The following AKAP19 variants were observed in gnomAD, a reference collection of about 807,000 sequenced individuals.
The protein encoded by AKAP19 is A-kinase anchoring protein 19.
At chr2:189,939,412 C>T in the AKAP19 span, among the ~76,000 whole-genome samples, 1 of 150,856 alleles carries the variant, frequency 6.6e-6, no homozygotes, top group East Asian at 1.9e-4. Context: ...TACAACCTAG[C>T]AGTGGAAAAA....
At chr2:190,069,175 T>TGTGTGTGTGTGAGA in the AKAP19 span, among the ~76,000 whole-genome samples, 135 of 123,526 alleles carry the variant, frequency 1.1e-3, no homozygotes, top group African/African-American at 4.1e-3. Flanking sequence ...TGTGTGTGTG[T>TGTGTGTGTGTGAGA]GAGAGAGAGA....
the AKAP19 span, among the ~76,000 whole-genome samples, chr2:190,023,907 A>G: frequency 3.3e-5 from 5 of 151,574 alleles, no homozygotes; most frequent in African/African-American, 1.2e-4. Flanking sequence ...TTGAATTGCA[A>G]TGACGTCTTT....
the AKAP19 span, among the ~76,000 whole-genome samples, chr2:190,038,959 TTC>T: frequency 2.1e-5 from 3 of 145,758 alleles, no homozygotes; most frequent in Admixed American, 2.1e-4. Flanking sequence ...CTTCTTCTTC[TTC>T]TTCTTCTTCT....
At chr2:190,155,971 ATT>A in the AKAP19 span, among the ~76,000 whole-genome samples, 1 of 152,166 alleles carries the variant, frequency 6.6e-6, no homozygotes. Flanking sequence ...TCTAATTTAA[ATT>A]TGCCTAGGGT....
the AKAP19 span, among the ~76,000 whole-genome samples, chr2:190,096,678 T>C: frequency 6.6e-6 from 1 of 152,242 alleles, no homozygotes; most frequent in East Asian, 1.9e-4. Context: ...ATGCTACTAT[T>C]ACAAAATATC....
At chr2:190,118,252 G>C in the AKAP19 span, among the ~76,000 whole-genome samples, 3 of 152,122 alleles carry the variant, frequency 2.0e-5, no homozygotes, top group East Asian at 1.9e-4. Flanking sequence ...AAAAGTCCAA[G>C]ACCAGACAGA....
At chr2:190,085,780 C>T in the AKAP19 span, among the ~76,000 whole-genome samples, 2 of 152,162 alleles carry the variant, frequency 1.3e-5, no homozygotes, top group African/African-American at 4.8e-5. Flanking sequence ...CTTAAATGAT[C>T]AGCTTTTGTT....
the AKAP19 span, among the ~76,000 whole-genome samples, chr2:190,133,198 A>G: frequency 2.2e-5 from 3 of 137,496 alleles, no homozygotes; most frequent in Non-Finnish European, 4.6e-5. Flanking sequence ...AGATCACGCC[A>G]CTGCACTCCA....
At chr2:190,080,318 C>A in the AKAP19 span, among the ~76,000 whole-genome samples, 5 of 152,146 alleles carry the variant, frequency 3.3e-5, no homozygotes, top group African/African-American at 1.2e-4. Context: ...CCCTGATGAC[C>A]TCATATTCCA....
At chr2:189,908,246 T>G in the AKAP19 span, among the ~76,000 whole-genome samples, 1 of 150,708 alleles carries the variant, frequency 6.6e-6, no homozygotes, top group East Asian at 1.9e-4. Flanking sequence ...TAGGCTGGAG[T>G]GCAGTGGCAT....
the AKAP19 span, among the ~76,000 whole-genome samples, chr2:189,900,520 T>C: frequency 6.6e-6 from 1 of 152,234 alleles, no homozygotes; most frequent in African/African-American, 2.4e-5. Context: ...TATGCATTTC[T>C]TTGATTACTC....
the AKAP19 span, among the ~76,000 whole-genome samples, chr2:189,929,428 A>G: frequency 1.3e-5 from 2 of 152,204 alleles, no homozygotes; most frequent in Non-Finnish European, 2.9e-5. Flanking sequence ...TCAATAAATC[A>G]GAATTCTTAA....
At chr2:190,048,850 T>C in the AKAP19 span, among the ~76,000 whole-genome samples, 2 of 152,200 alleles carry the variant, frequency 1.3e-5, no homozygotes, top group Non-Finnish European at 2.9e-5. Context: ...TAAATAATCA[T>C]GCTGAAGAAA....
the AKAP19 span, among the ~76,000 whole-genome samples, chr2:190,048,932 T>A: frequency 6.6e-6 from 1 of 152,110 alleles, no homozygotes; most frequent in African/African-American, 2.4e-5. Flanking sequence ...TAAAAGTAAA[T>A]AACTAAATCA....
At chr2:189,998,401 TG>T in the AKAP19 span, among the ~76,000 whole-genome samples, 3 of 152,084 alleles carry the variant, frequency 2.0e-5, no homozygotes, top group Non-Finnish European at 4.4e-5. Context: ...ATTTTCTTAA[TG>T]AAAAAAAAAT....
the AKAP19 span, among the ~76,000 whole-genome samples, chr2:189,951,906 A>G: frequency 6.6e-5 from 10 of 152,238 alleles, no homozygotes; most frequent in Non-Finnish European, 1.0e-4. Flanking sequence ...TCCCATGAGA[A>G]AAGTGTTCTT....
chr2:190,111,156 G>A, the AKAP19 span, among the ~76,000 whole-genome samples: 6 of 152,128 alleles, frequency 3.9e-5, no homozygotes, highest in African/African-American at 1.4e-4. Flanking sequence ...ATAGCAAGGG[G>A]ATTGCTAGCA....
chr2:189,956,177 C>CTTTTTTCT, the AKAP19 span, among the ~76,000 whole-genome samples: 616 of 122,944 alleles, frequency 5.0e-3, 21 homozygotes, highest in African/African-American at 0.018. Flanking sequence ...TCTTTTTTTT[C>CTTTTTTCT]TTTTTTTTTT....
chr2:190,030,865 C>T, the AKAP19 span, among the ~76,000 whole-genome samples: 3 of 152,104 alleles, frequency 2.0e-5, no homozygotes, highest in Non-Finnish European at 2.9e-5. Context: ...TGTTAGTAGC[C>T]CTGACTAGCT....
Sources: allele counts gnomAD v4.1 joint callset (sites outside exome capture counted in the v4.1 genomes callset), GRCh38; gene constraint gnomAD v4.1.1; transcripts MANE v1.5; gene names NCBI Gene and HGNC (gene_info 2026-07-23, HGNC 2026-07-21).